The following LYST variants were observed in gnomAD, a reference collection of about 807,000 sequenced individuals.
The protein encoded by LYST is lysosomal trafficking regulator, also known as lysosomal-trafficking regulator.
Under a neutral mutation model 413.6 loss-of-function variants are expected in LYST, and 192 were observed. That is an observed-to-expected ratio of 0.46 (90% CI 0.41 to 0.52). The LOEUF (loss-of-function observed/expected upper bound fraction) is 0.52, where lower values mean the gene tolerates loss of function less well. Among genes scored for constraint, LYST ranks in the 20% least tolerant of loss-of-function variants. LYST has a pLI of 0.00. For synonymous variants in LYST, 1,525 were observed against 1,567.3 expected, an observed-to-expected ratio of 0.97 and a Z score of 0.64; for missense variants, 3,815 against 4,499.9, an observed-to-expected ratio of 0.85 and a Z score of 4.35.
intron 3 of LYST, among the ~76,000 whole-genome samples, chr1:235,827,117 A>C (rs905376708): frequency 2.0e-5 from 3 of 151,988 alleles, no homozygotes; most frequent in African/African-American, 7.2e-5. Context: ...TAATCCTAGC[A>C]CTTTGGGAGG....
At chr1:235,829,406 A>C (rs748493026) in intron 3 of LYST, 29 of 152,210 alleles carry the variant, frequency 1.9e-4, no homozygotes, top group Non-Finnish European at 3.7e-4. Flanking sequence ...TTTACATCTA[A>C]AGCTGGTAAC....
chr1:235,759,331 AAC>A lies in LYST; in HGVS notation c.6520_6521del (p.Val2174LeufsTer2). ...FISSCESAKT[V>X]CEMEAVLSAQ... The stretch of plus-strand genomic sequence containing the variant: ...CTGAGAGGACAGCTTCCATTTCACA[AAC>A]AGTTTTTGCAGACTCACAGCTACTG... On this transcript the variant is annotated frameshift_variant, in exon 23 of 53. Coordinates refer to ENST00000389793, the MANE Select transcript of LYST (RefSeq NM_000081.4). LOFTEE classifies it high-confidence loss of function. 6.2e-7 allele frequency: 1 copy of A among 1,614,128 alleles called. No individual in the cohort carries two copies. The highest frequency in any genetic ancestry group is 8.5e-7 in the Non-Finnish European group (1 of 1,180,016).
intron 1 of LYST, among the ~76,000 whole-genome samples, chr1:235,861,632 G>C (rs1679878697): frequency 6.6e-6 from 1 of 152,068 alleles, no homozygotes; most frequent in African/African-American, 2.4e-5. Flanking sequence ...TTAAATTCCA[G>C]AAGACTGATA....
At chr1:235,851,810 T>C (rs948951065) in intron 1 of LYST, among the ~76,000 whole-genome samples, 1 of 152,098 alleles carries the variant, frequency 6.6e-6, no homozygotes, top group Non-Finnish European at 1.5e-5. Context: ...GAATTTAAAA[T>C]GCAGATCAGG....
At chr1:235,705,276 C>A (rs903507102) in intron 44 of LYST, among the ~76,000 whole-genome samples, 2 of 152,110 alleles carry the variant, frequency 1.3e-5, no homozygotes, top group Middle Eastern at 6.8e-3. Flanking sequence ...AAATTCTTAA[C>A]GATGGCATAA....
chr1:235,663,975 A>C lies in LYST; in HGVS notation c.11267+9T>G, dbSNP rs1487048372. On this transcript the variant is annotated intron_variant, in intron 52 of 52. Transcript: ENST00000389793. The stretch of plus-strand genomic sequence containing the variant: ...TATTCTGAAGCATAAGAGGGGGAGA[A>C]GATCTTACCTGATGATGGGCTTATT... 1.9e-6 allele frequency: 3 copies of C among 1,596,084 alleles called. No individual in the cohort carries two copies. Among genetic ancestry groups the C allele is most frequent in the Non-Finnish European group, 2.6e-6 (3 of 1,163,530 alleles).
intron 16 of LYST, among the ~76,000 whole-genome samples, 187 bp from the exon 17 acceptor site, chr1:235,777,495 G>C (rs1310059826): frequency 6.6e-6 from 1 of 152,206 alleles, no homozygotes. Context: ...CAAATGGTCA[G>C]TGATTTATTT....
At chr1:235,706,488 G>A (rs2103111326) in intron 44 of LYST, among the ~76,000 whole-genome samples, 1 of 152,142 alleles carries the variant, frequency 6.6e-6, no homozygotes, top group South Asian at 2.1e-4. Flanking sequence ...AAACATTCAG[G>A]TTTAACTACT....
chr1:235,796,941 C>T (rs1671612864), intron 10 of LYST, among the ~76,000 whole-genome samples: 1 of 152,160 alleles, frequency 6.6e-6, no homozygotes. Flanking sequence ...CACTTCATAT[C>T]CACCAGGATA....
chr1:235,744,013 A>C lies in LYST; in HGVS notation c.8117T>G (p.Phe2706Cys), dbSNP rs1260961740. The part of the protein sequence containing the change: ...SVFNPFQKEI[F>C]TYLVEGFKVS... ...TTTGAATCCTTCTACCAGATATGTA[A>C]AAATTTCTTTCTGAAATGGATTGAA... The change falls in exon 30 of 53, where the codon TTT becomes TGT. Residue 2706 changes from phenylalanine (F) to cysteine (C), a missense_variant. By Grantham distance (205) the Phe-to-Cys change is radical. Transcript: ENST00000389793. 1.3e-6 allele frequency: 2 copies of C among 1,530,136 alleles called. No individual in the cohort carries two copies. The highest frequency in any genetic ancestry group is 1.7e-5 in the Admixed American group (1 of 59,816). 94.8% of individuals were successfully genotyped at this position (1,530,136 alleles called of 1,614,324 possible).
In LYST at chr1:235,686,327, A is replaced by T. The variant is rs1660219361; in HGVS notation, c.10800+622T>A. Among the ~76,000 whole-genome samples the T allele has an allele frequency of 1.3e-5, 2 of 152,246 alleles. No individual in the cohort carries two copies. The highest frequency in any genetic ancestry group is 2.9e-5 in the Non-Finnish European group (2 of 68,040). ...GGTTGCAGTGAGCTGAGATTGTGCC[A>T]TTGCATTCCAGCTTAGGCAAGAGAG... On this transcript the variant is annotated intron_variant, in intron 48 of 52. Transcript: ENST00000389793. The surrounding 1 kb of genome is among the most constrained non-coding windows in gnomAD (Gnocchi z 4.0).
chr1:235,875,142 A>G (rs1681084135), intron 1 of LYST, among the ~76,000 whole-genome samples: 1 of 152,194 alleles, frequency 6.6e-6, no homozygotes, highest in African/African-American at 2.4e-5. Context: ...GGGAAAGATC[A>G]CGGTGGTTTG....
chr1:235,793,080 T>C (rs1450829881), intron 11 of LYST, among the ~76,000 whole-genome samples: 1 of 152,182 alleles, frequency 6.6e-6, no homozygotes, highest in East Asian at 1.9e-4. Flanking sequence ...TAGCAGATAA[T>C]AGTTTAAAAG....
chr1:235,733,707 GA>G lies in LYST; in HGVS notation c.8613-17del. 6.2e-7 allele frequency: 1 copy of G among 1,600,822 alleles called. No homozygotes were observed. On this transcript the variant is annotated splice_polypyrimidine_tract_variant and intron_variant, in intron 33 of 52. Transcript: ENST00000389793. The stretch of plus-strand genomic sequence containing the variant: ...CTGAAAGAGACTAAACAAATAATAA[GA>G]TTGTCCATAGTTAAGCATACATGGA...
Position 235,793,769 on chromosome 1 carries a change from T to C in LYST, c.4007-157A>G, listed in dbSNP as rs372307733. On this transcript the variant is annotated intron_variant, in intron 10 of 52. Coordinates refer to ENST00000389793, the MANE Select transcript of LYST (RefSeq NM_000081.4). ...ACAAAATTTGCTGAAGAAATAGCAA[T>C]ATAACTAAATGTAAATCAACCAACC... Among the ~76,000 whole-genome samples the C allele has an allele frequency of 1.5e-4, 23 of 152,216 alleles. No individual in the cohort carries two copies. In the East Asian group the frequency reaches 2.7e-3, roughly 18 times the overall value.
intron 43 of LYST, among the ~76,000 whole-genome samples, chr1:235,710,107 C>G (rs148039222): frequency 1.3e-5 from 2 of 152,252 alleles, no homozygotes; most frequent in African/African-American, 4.8e-5. Context: ...CTTTTAAAAG[C>G]TGATTAAGTT....
intron 1 of LYST, among the ~76,000 whole-genome samples, chr1:235,863,490 G>A (rs1680145893): frequency 1.3e-5 from 2 of 150,048 alleles, no homozygotes; most frequent in African/African-American, 2.5e-5. Flanking sequence ...AACTTAAGCC[G>A]GCAACCAGAT....
chr1:235,666,590 G>GCA (rs1214218772), intron 50 of LYST, among the ~76,000 whole-genome samples: 63 of 74,528 alleles, frequency 8.5e-4, no homozygotes, highest in African/African-American at 1.2e-3. Flanking sequence ...AGACACACAT[G>GCA]CACACACACA....
At chr1:235,755,286 G>A (rs1236061757) in intron 25 of LYST, among the ~76,000 whole-genome samples, 192 bp downstream of exon 25, 1 of 151,950 alleles carries the variant, frequency 6.6e-6, no homozygotes, top group Non-Finnish European at 1.5e-5. Context: ...CTACTCAGGA[G>A]GTTGAGGCAG....
Sources: gnomAD v4.1 joint callset for allele counts (sites outside exome capture counted in the v4.1 genomes callset) on GRCh38, gnomAD v4.1.1 for gene constraint, Gnocchi (gnomAD v3.1) non-coding constraint, MANE v1.5 for transcripts, NCBI Gene and HGNC (gene_info 2026-07-23, HGNC 2026-07-21) for gene names.